The following PRR12 variants were observed in gnomAD, a reference collection of about 807,000 sequenced individuals.
PRR12 encodes the protein proline-rich protein 12.
In PRR12, 12 loss-of-function variants were observed where a neutral mutation model predicts 138.0. That is an observed-to-expected ratio of 0.09 (90% CI 0.06 to 0.14). The LOEUF (loss-of-function observed/expected upper bound fraction) is 0.14. PRR12 is among the 10% of genes least tolerant of loss of function. The probability of loss-of-function intolerance (pLI) is 1.00; values close to 1 mark genes in which losing one functional copy is unlikely to be tolerated. For missense variants in PRR12, 2,692 were observed against 2,861.3 expected (o/e 0.94, Z 1.35); for synonymous variants, 1,567 against 1,291.7 (o/e 1.21, Z -4.57).
chr19:49,625,341 C>T lies in PRR12; in HGVS notation c.5965-120C>T. On this transcript the variant is annotated intron_variant, in intron 13 of 13. Transcript: ENST00000418929. The surrounding 1 kb of genome is among the most constrained non-coding windows in gnomAD (Gnocchi z 5.5). ...TTCTGTCTTGGACTTAAGAATGCAG[C>T]CCCCAGCCCTGGTCTCCCTGGGACA... 1 of 1,427,710 alleles carries T rather than the reference C, an allele frequency of 7.0e-7. No homozygotes were observed. The highest frequency in any genetic ancestry group is 9.5e-7 in the Non-Finnish European group (1 of 1,048,390). 88.4% of individuals were successfully genotyped at this position (1,427,710 alleles called of 1,614,324 possible).
At chr19:49,618,221 T>C (rs2080902883) in intron 9 of PRR12, among the ~76,000 whole-genome samples, 1 of 152,020 alleles carries the variant, frequency 6.6e-6, no homozygotes, top group Admixed American at 6.6e-5. Flanking sequence ...CCCTTTCCAG[T>C]GAGCCCAAGC....
Position 49,601,630 on chromosome 19 carries a change from A to G in PRR12, c.4485A>G (p.Ser1495=). The G allele has an allele frequency of 2.6e-6, 4 of 1,534,386 alleles. No individual in the cohort carries two copies. The highest frequency in any genetic ancestry group is 2.8e-5 in the African/African-American group (2 of 71,006). The change falls in exon 6 of 14, where the codon TCA becomes TCG. Residue 1495 remains serine (S), a synonymous_variant. Transcript: ENST00000418929. ...PPPLVAPTPS[S]PPPPPLPPPP... is the part of the protein sequence containing the mutation. ...CGCTGGTGGCCCCCACGCCCAGCTC[A>G]CCACCGCCACCGCCGCTGCCGCCGC...
intron 6 of PRR12, among the ~76,000 whole-genome samples, chr19:49,612,872 T>A (rs1036202910): frequency 2.0e-5 from 3 of 151,812 alleles, no homozygotes; most frequent in Non-Finnish European, 4.4e-5. Context: ...CCATGTAGGC[T>A]GGGCTGGTCT....
intron 6 of PRR12, among the ~76,000 whole-genome samples, chr19:49,612,900 G>T (rs576029091): frequency 6.6e-6 from 1 of 151,936 alleles, no homozygotes; most frequent in Non-Finnish European, 1.5e-5. Context: ...CCGACCTCAA[G>T]TGATCCCACC....
At chr19:49,607,547 A>C (rs1188047528) in intron 6 of PRR12, among the ~76,000 whole-genome samples, 2 of 151,870 alleles carry the variant, frequency 1.3e-5, no homozygotes, top group African/African-American at 2.4e-5. Flanking sequence ...CCCTACAAAA[A>C]AATAAGAAAA....
chr19:49,608,840 T>A (rs1286739988), intron 6 of PRR12, among the ~76,000 whole-genome samples: 1 of 146,562 alleles, frequency 6.8e-6, no homozygotes, highest in African/African-American at 2.6e-5. Flanking sequence ...TGACCCTGTC[T>A]CAAAAAAAAA....
chr19:49,593,397 C>T lies in PRR12; in HGVS notation c.157C>T (p.Pro53Ser). Residue 53 changes from proline to serine, a missense_variant, in exon 2 of 14, where the codon CCC becomes TCC. This residue lies in a region of PRR12 where 211 missense variants were observed against 266.3 expected (regional missense o/e 0.79). Coordinates refer to ENST00000418929, the MANE Select transcript of PRR12 (RefSeq NM_020719.3). Reference sequence around the variant, plus strand: ...CTTACACCGCCAGGCCTATGCGGCCCCCCACCCACTGCAAAGCTATGCCAC... The same window carrying T: ...CTTACACCGCCAGGCCTATGCGGCCTCCCACCCACTGCAAAGCTATGCCAC... Reference protein sequence around the residue: ...DILHRQAYAAPHPLQSYATNH... With the variant: ...DILHRQAYAASHPLQSYATNH... 6.2e-7 allele frequency: 1 copy of T among 1,611,922 alleles called. No individual in the cohort carries two copies. Among genetic ancestry groups the T allele is most frequent in the Non-Finnish European group, 8.5e-7 (1 of 1,178,968 alleles).
chr19:49,604,862 G>A (rs1030062816), intron 6 of PRR12, among the ~76,000 whole-genome samples: 1 of 151,828 alleles, frequency 6.6e-6, no homozygotes, highest in African/African-American at 2.4e-5. Context: ...TTCTATGCCC[G>A]TTTTTTCTGA....
In PRR12 at chr19:49,599,729, C is replaced by A. The variant is rs777409807; in HGVS notation, c.4136C>A (p.Ser1379Tyr). The A allele has an allele frequency of 6.2e-7, 1 of 1,613,654 alleles. No homozygotes were observed. The highest frequency in any genetic ancestry group is 8.5e-7 in the Non-Finnish European group (1 of 1,179,888). ...AAGCGGAACCTCGAGACGCTGCCCTCCTTCTCCTCGGATGAGGAAGACTCT... is the reference window on the plus strand; with the variant it reads ...AAGCGGAACCTCGAGACGCTGCCCTACTTCTCCTCGGATGAGGAAGACTCT... ...ELKRNLETLPSFSSDEEDSVA... is the reference protein window; with the variant it reads ...ELKRNLETLPYFSSDEEDSVA... Residue 1379 changes from serine (S) to tyrosine (Y), a missense_variant, in exon 5 of 14, where the codon TCC (serine) becomes TAC (tyrosine). Coordinates refer to ENST00000418929, the MANE Select transcript of PRR12 (RefSeq NM_020719.3). The surrounding 1 kb of genome is among the most constrained non-coding windows in gnomAD (Gnocchi z 5.0).
chr19:49,619,911 A>C (rs2122371031), intron 9 of PRR12, among the ~76,000 whole-genome samples: 1 of 124,700 alleles, frequency 8.0e-6, no homozygotes, highest in Non-Finnish European at 1.6e-5. Flanking sequence ...CAGGCTGTGC[A>C]ATGGCACAAT....
chr19:49,610,643 G>T (rs895730613), intron 6 of PRR12, among the ~76,000 whole-genome samples: 2 of 148,086 alleles, frequency 1.4e-5, no homozygotes, highest in South Asian at 4.3e-4. Flanking sequence ...CTGGGTTCAC[G>T]CCATTCTCCT....
intron 11 of PRR12, among the ~76,000 whole-genome samples, chr19:49,622,232 T>A (rs987812916): frequency 6.6e-6 from 1 of 152,166 alleles, no homozygotes; most frequent in African/African-American, 2.4e-5. Context: ...CTAAGAATTC[T>A]GGGATAGGCT....
chr19:49,614,784 A>T lies in PRR12; in HGVS notation c.4891-92A>T. On this transcript the variant is annotated intron_variant, in intron 7 of 13. Transcript: ENST00000418929. This position sits in a 1 kb window ranked among gnomAD's most constrained non-coding sequence, Gnocchi z 5.0. Reference sequence around the variant, plus strand: ...GGCCCCCTGCTGCCGGCAGGCTCCAAGCAGCTGCCATGGTGGCCCAGGGCA... The same window carrying T: ...GGCCCCCTGCTGCCGGCAGGCTCCATGCAGCTGCCATGGTGGCCCAGGGCA... The T allele has an allele frequency of 6.3e-7, 1 of 1,575,340 alleles. No homozygotes were observed. Among genetic ancestry groups the T allele is most frequent in the African/African-American group, 1.3e-5 (1 of 74,128 alleles).
chr19:49,617,516 A>G (rs903327641), intron 9 of PRR12, among the ~76,000 whole-genome samples: 5 of 152,100 alleles, frequency 3.3e-5, no homozygotes, highest in African/African-American at 7.2e-5. Context: ...CTGTAGTCCC[A>G]GCTACTCAGG....
In PRR12 at chr19:49,614,800, G is replaced by A. The variant is rs1174274191; in HGVS notation, c.4891-76G>A. 2 of 1,595,954 alleles carry A rather than the reference G, an allele frequency of 1.3e-6. No individual in the cohort carries two copies. The highest frequency in any genetic ancestry group is 8.6e-7 in the Non-Finnish European group (1 of 1,165,916). ...CAGGCTCCAAGCAGCTGCCATGGTG[G>A]CCCAGGGCACGGGGGTGTTGGCCAT... is the stretch of plus-strand genomic sequence containing the variant. On this transcript the variant is annotated intron_variant, in intron 7 of 13. Transcript: ENST00000418929. This position sits in a 1 kb window ranked among gnomAD's most constrained non-coding sequence, Gnocchi z 5.0.
At chr19:49,605,988 CTTA>C (rs1013836385) in intron 6 of PRR12, among the ~76,000 whole-genome samples, 3 of 152,136 alleles carry the variant, frequency 2.0e-5, no homozygotes, top group African/African-American at 7.2e-5. Flanking sequence ...ATCTCTGCCA[CTTA>C]TTATTATTTT....
intron 6 of PRR12, among the ~76,000 whole-genome samples, chr19:49,606,561 C>G (rs996803653): frequency 6.6e-6 from 1 of 151,792 alleles, no homozygotes; most frequent in Non-Finnish European, 1.5e-5. Context: ...CCTCCCCCGC[C>G]CCCCAACCTT....
In PRR12 at chr19:49,595,325, C is replaced by T; in HGVS notation, c.990C>T (p.Ala330=). 2 of 1,544,788 alleles carry T rather than the reference C, an allele frequency of 1.3e-6. No homozygotes were observed. The highest frequency in any genetic ancestry group is 1.4e-5 in the African/African-American group (1 of 73,082). The change falls in exon 4 of 14, where the codon GCC becomes GCT. Residue 330 remains alanine, a synonymous_variant. Transcript: ENST00000418929. ...CCATGGGCCACCGGGCCAACCTGGCCTGCAGCCCCCTGGGTGGTGGGGAGC... is the reference window on the plus strand; with the variant it reads ...CCATGGGCCACCGGGCCAACCTGGCTTGCAGCCCCCTGGGTGGTGGGGAGC... The part of the protein sequence containing the change: ...YPSMGHRANL[A]CSPLGGGEPS...
chr19:49,595,496 T>G lies in PRR12; in HGVS notation c.1161T>G (p.Pro387=), dbSNP rs938996347. Residue 387 remains proline (P), a synonymous_variant, in exon 4 of 14, where the codon CCT becomes CCG. Coordinates refer to ENST00000418929, the MANE Select transcript of PRR12 (RefSeq NM_020719.3). The part of the protein sequence containing the change: ...GGGYRPIIQS[P]GYKTGKGGYG... ...GTTACCGCCCCATCATTCAGTCGCCTGGGTACAAGACGGGCAAAGGTGGTT... is the reference window on the plus strand; with the variant it reads ...GTTACCGCCCCATCATTCAGTCGCCGGGGTACAAGACGGGCAAAGGTGGTT... The G allele has an allele frequency of 1.6e-5, 25 of 1,558,394 alleles. No homozygotes were observed. Among genetic ancestry groups the G allele is most frequent in the Admixed American group, 7.7e-5 (4 of 52,238 alleles).
Sources: allele counts gnomAD v4.1 joint callset (sites outside exome capture counted in the v4.1 genomes callset), GRCh38; gene constraint gnomAD v4.1.1; regional missense constraint gnomAD v4.1.1; non-coding constraint Gnocchi (gnomAD v3.1); transcripts MANE v1.5; gene names NCBI Gene and HGNC (gene_info 2026-07-23, HGNC 2026-07-21).